The following FGF2 variants were observed in gnomAD, a reference collection of about 807,000 sequenced individuals.
FGF2 encodes fibroblast growth factor 2.
In FGF2, 13 loss-of-function variants were observed where a neutral mutation model predicts 15.9. The ratio of observed to expected loss-of-function variants is 0.82; its 90% CI spans 0.53 to 1.30. The LOEUF is 1.30. Ranked by LOEUF, FGF2 falls within the 50% of genes most tolerant of loss-of-function variation. FGF2 has a pLI of 0.00. For missense variants in FGF2, 163 were observed against 196.9 expected (o/e 0.83, Z 1.03); for synonymous variants, 90 against 78.4 (o/e 1.15, Z -0.78).
rs991343985 is a variant in FGF2, at chr4:122,895,477, G to A, written c.*3081G>A. 2.6e-5 allele frequency: 4 copies of A among 152,214 alleles called. No individual in the cohort carries two copies. The highest frequency in any genetic ancestry group is 5.9e-5 in the Non-Finnish European group (4 of 68,038). 9.4% of individuals were successfully genotyped at this position (152,214 alleles called of 1,614,324 possible). A position where few individuals can be genotyped will look rare whatever the true frequency, so the allele number is the denominator to read the frequency against. On this transcript the variant is annotated 3_prime_UTR_variant, in exon 3 of 3. Coordinates refer to ENST00000644866, the MANE Select transcript of FGF2 (RefSeq NM_001361665.2). ...TATAATGGGAAATAATCTGCAGAAT[G>A]TGGGTTTTCCTGGTGTTTCCCTCTG...
chr4:122,843,706 C>T (rs1289314604), intron 1 of FGF2, among the ~76,000 whole-genome samples: 2 of 152,058 alleles, frequency 1.3e-5, no homozygotes, highest in Non-Finnish European at 2.9e-5. Flanking sequence ...CACAATAAAG[C>T]GAGCCACATA....
Position 122,891,035 on chromosome 4 carries a change from TGTTTTG to T in FGF2, c.283-1175_283-1170del, listed in dbSNP as rs774677161. On this transcript the variant is annotated intron_variant, in intron 2 of 2. Transcript: ENST00000644866. ...GAACAATTTATCTTTTTTTTTTTTT[TGTTTTG>T]TTTTGTTTTGTTTTTTTGAGACGGA... is the stretch of plus-strand genomic sequence containing the variant. Among the ~76,000 whole-genome samples the T allele has an allele frequency of 2.0e-4, 24 of 122,020 alleles. 1 individual carries two copies. The highest frequency in any genetic ancestry group is 6.9e-4 in the East Asian group (3 of 4,318). 80.0% of individuals were successfully genotyped at this position (122,020 alleles called of 152,430 possible). A position where few individuals can be genotyped will look rare whatever the true frequency, so the allele number is the denominator to read the frequency against.
intron 1 of FGF2, among the ~76,000 whole-genome samples, chr4:122,858,533 G>C (rs189867067): frequency 1.8e-4 from 28 of 152,234 alleles, no homozygotes; most frequent in Admixed American, 3.9e-4. Context: ...GAGTAGCTGG[G>C]ACTACAGGTG....
chr4:122,847,373 G>C (rs563503137), intron 1 of FGF2, among the ~76,000 whole-genome samples: 2 of 152,288 alleles, frequency 1.3e-5, no homozygotes, highest in African/African-American at 2.4e-5. Flanking sequence ...TGTGGAGTGG[G>C]AGTGCTACAG....
intron 2 of FGF2, among the ~76,000 whole-genome samples, chr4:122,879,148 C>T (rs769369563): frequency 2.6e-5 from 4 of 152,190 alleles, no homozygotes; most frequent in Admixed American, 6.5e-5. Context: ...TTCACTTCTT[C>T]TACTCTGTAC....
intron 2 of FGF2, chr4:122,890,176 G>A (rs1727138261): frequency 6.6e-6 from 1 of 152,126 alleles, no homozygotes; most frequent in African/African-American, 2.4e-5. Context: ...CAGTTCACAC[G>A]AGAGGGGTAC....
intron 1 of FGF2, among the ~76,000 whole-genome samples, chr4:122,845,613 T>A (rs1440679801): frequency 6.6e-6 from 1 of 152,240 alleles, no homozygotes. Context: ...ATGTTTATGT[T>A]ATGGAGATGG....
At chr4:122,856,718 T>C (rs1176593869) in intron 1 of FGF2, among the ~76,000 whole-genome samples, 1 of 152,156 alleles carries the variant, frequency 6.6e-6, no homozygotes, top group Non-Finnish European at 1.5e-5. Flanking sequence ...TACCCAATTT[T>C]CCCCCATTGT....
At chr4:122,860,097 G>A (rs1471888278) in intron 1 of FGF2, among the ~76,000 whole-genome samples, 5 of 151,986 alleles carry the variant, frequency 3.3e-5, no homozygotes, top group Non-Finnish European at 5.9e-5. Flanking sequence ...TACCTATATC[G>A]AGTTTTCCCA....
At chr4:122,889,409 C>T (rs1294739900) in intron 2 of FGF2, among the ~76,000 whole-genome samples, 2 of 152,038 alleles carry the variant, frequency 1.3e-5, no homozygotes, top group Non-Finnish European at 2.9e-5. Flanking sequence ...GAAAACAGTT[C>T]TTTAAATATG....
At chr4:122,868,958 TGA>T (rs1169634468) in intron 1 of FGF2, among the ~76,000 whole-genome samples, 1 of 152,204 alleles carries the variant, frequency 6.6e-6, no homozygotes, top group Non-Finnish European at 1.5e-5. Flanking sequence ...CACTTTTTGA[TGA>T]GGTTGTTTTT....
chr4:122,844,828 G>T (rs1315751594), intron 1 of FGF2, among the ~76,000 whole-genome samples: 1 of 151,760 alleles, frequency 6.6e-6, no homozygotes, highest in Non-Finnish European at 1.5e-5. Flanking sequence ...GTAGAGACAG[G>T]GTCTCACTAT....
chr4:122,840,296 C>G (rs950553461), intron 1 of FGF2: 17 of 152,156 alleles, frequency 1.1e-4, no homozygotes, highest in Non-Finnish European at 2.9e-5. Flanking sequence ...AAGAGGAACT[C>G]TGATCATGTT....
chr4:122,840,190 A>G (rs1422909995), intron 1 of FGF2, among the ~76,000 whole-genome samples: 1 of 152,188 alleles, frequency 6.6e-6, no homozygotes, highest in Non-Finnish European at 1.5e-5. Context: ...AACACAATTC[A>G]GCCCATAGTA....
intron 1 of FGF2, among the ~76,000 whole-genome samples, chr4:122,849,318 G>A (rs1225102737): frequency 2.0e-5 from 3 of 152,134 alleles, no homozygotes; most frequent in African/African-American, 2.4e-5. Flanking sequence ...GGATGAAGCT[G>A]GAAACCATCA....
chr4:122,867,687 G>A (rs1021619684), intron 1 of FGF2, among the ~76,000 whole-genome samples: 5 of 152,292 alleles, frequency 3.3e-5, no homozygotes, highest in Admixed American at 6.5e-5. Context: ...GACTATATTA[G>A]GAGGATGAAG....
chr4:122,886,573 T>G (rs1165314634), intron 2 of FGF2, among the ~76,000 whole-genome samples: 2 of 152,238 alleles, frequency 1.3e-5, no homozygotes, highest in African/African-American at 4.8e-5. Flanking sequence ...TTCAATCATT[T>G]ATATCAATAT....
intron 1 of FGF2, chr4:122,840,339 C>T (rs1725953048): frequency 6.6e-6 from 1 of 152,064 alleles, no homozygotes; most frequent in South Asian, 2.1e-4. Context: ...CCCTTGCTTC[C>T]AAAACGCAAA....
At chr4:122,832,495 C>T (rs1196498015) in intron 1 of FGF2, among the ~76,000 whole-genome samples, 9 of 152,198 alleles carry the variant, frequency 5.9e-5, no homozygotes, top group African/African-American at 1.9e-4. Flanking sequence ...TATCTGTCCA[C>T]CTCAGCCTCC....
Sources: allele counts gnomAD v4.1 joint callset (sites outside exome capture counted in the v4.1 genomes callset), GRCh38; gene constraint gnomAD v4.1.1; transcripts MANE v1.5; gene names NCBI Gene and HGNC (gene_info 2026-07-23, HGNC 2026-07-21).